The following WAC variants were observed in gnomAD, a reference collection of about 807,000 sequenced individuals.
The protein encoded by WAC is WW domain-containing adapter protein with coiled-coil.
WAC carries 11 observed loss-of-function variants against 79.6 expected under a neutral mutation model. The observed-to-expected ratio is 0.14, with a 90% confidence interval of 0.09 to 0.23. WAC has a LOEUF of 0.23. Ranked by LOEUF, WAC falls within the 10% of genes least tolerant of loss-of-function variation. The pLI, the probability that WAC is intolerant of heterozygous loss-of-function variation, is 1.00. For synonymous variants in WAC, 304 were observed against 276.9 expected, an observed-to-expected ratio of 1.10 and a Z score of -0.97; for missense variants, 728 against 773.5, an observed-to-expected ratio of 0.94 and a Z score of 0.70.
intron 7 of WAC, among the ~76,000 whole-genome samples, chr10:28,600,469 A>G (rs1041611193): frequency 1.1e-4 from 16 of 152,180 alleles, no homozygotes; most frequent in African/African-American, 3.9e-4. Context: ...TTGCTTTAAA[A>G]TAATTTTTAG....
At chr10:28,567,596 C>G (rs1423818971) in intron 3 of WAC, among the ~76,000 whole-genome samples, 1 of 152,130 alleles carries the variant, frequency 6.6e-6, no homozygotes, top group African/African-American at 2.4e-5. Context: ...TCCCTTCTGA[C>G]AATTCTCTAC....
intron 6 of WAC, 179 bp downstream of exon 6, chr10:28,591,011 C>G: frequency 5.1e-6 from 3 of 586,446 alleles, no homozygotes; most frequent in Non-Finnish European, 9.1e-6. Flanking sequence ...GGAAAAGATA[C>G]ACGGTCGAGT....
chr10:28,572,798 C>T (rs377100333), intron 3 of WAC, among the ~76,000 whole-genome samples: 110 of 152,142 alleles, frequency 7.2e-4, no homozygotes, highest in African/African-American at 2.6e-3. Context: ...GCGATGAGAG[C>T]GAAACTCAGT....
intron 5 of WAC, 130 bp downstream of exon 5, chr10:28,589,981 G>GT (rs1840004968): frequency 1.6e-6 from 1 of 638,970 alleles, no homozygotes. Context: ...AGTTGCGGTG[G>GT]TTGGTTGCCC....
At chr10:28,535,906 C>A in intron 3 of WAC, 149 bp downstream of exon 3, 1 of 706,510 alleles carries the variant, frequency 1.4e-6, no homozygotes, top group African/African-American at 1.8e-5. Flanking sequence ...TTACTCTGAA[C>A]AAGTTACTGT....
intron 7 of WAC, among the ~76,000 whole-genome samples, chr10:28,600,225 CAT>C (rs1310041764): frequency 7.7e-6 from 1 of 129,348 alleles, no homozygotes; most frequent in Non-Finnish European, 1.6e-5. Context: ...TAAATAATCA[CAT>C]ACTCACATGC....
Position 28,616,224 on chromosome 10 carries a change from T to C in WAC, c.1608T>C (p.Asn536=). ...CCAATCATACTTCTAATAGTAGTAA[T>C]GCATCAAATGCAACAGTTGTACCAC... ...PGPNHTSNSS[N]ASNATVVPQN... Residue 536 remains asparagine, a synonymous_variant, in exon 12 of 14, where the codon AAT becomes AAC. Coordinates refer to ENST00000354911, the MANE Select transcript of WAC (RefSeq NM_016628.5). The C allele has an allele frequency of 6.2e-7, 1 of 1,613,498 alleles. No individual in the cohort carries two copies. Among genetic ancestry groups the C allele is most frequent in the Non-Finnish European group, 8.5e-7 (1 of 1,179,700 alleles).
rs926817295 is a variant in WAC at position 28,533,876 on chromosome 10, T to C, written c.42-122T>C. On this transcript the variant is annotated intron_variant, in intron 1 of 13. Coordinates refer to ENST00000354911, the MANE Select transcript of WAC (RefSeq NM_016628.5). ...GGTTTGTGCCGTGTGCGTGCGGGGC[T>C]CGGCGCTGGGGCGCTCGGTAGGTCT... 312 of 1,272,884 alleles carry C rather than the reference T, an allele frequency of 2.5e-4. 2 individuals carry two copies. Among genetic ancestry groups the C allele is most frequent in the Middle Eastern group, 5.5e-4 (2 of 3,642 alleles). The allele number at this position is 1,272,884 out of a possible 1,614,324, so 78.8% of individuals were successfully genotyped here.
intron 4 of WAC, among the ~76,000 whole-genome samples, chr10:28,588,200 G>A (rs1199439066): frequency 1.3e-5 from 2 of 152,136 alleles, no homozygotes; most frequent in East Asian, 3.9e-4. Flanking sequence ...TTATGTATAG[G>A]GAGGAGTAGG....
chr10:28,547,259 G>A (rs1234802610), intron 3 of WAC, among the ~76,000 whole-genome samples: 5 of 152,150 alleles, frequency 3.3e-5, no homozygotes, highest in Non-Finnish European at 7.3e-5. Context: ...TTTTGGCCAG[G>A]TGCGGTGGCT....
At chr10:28,548,947 T>C (rs1344976860) in intron 3 of WAC, among the ~76,000 whole-genome samples, 1 of 152,032 alleles carries the variant, frequency 6.6e-6, no homozygotes, top group Non-Finnish European at 1.5e-5. Flanking sequence ...CTGAATGGAG[T>C]GCACTGGTAT....
At chr10:28,538,004 C>G (rs553036435) in intron 3 of WAC, among the ~76,000 whole-genome samples, 4 of 152,228 alleles carry the variant, frequency 2.6e-5, no homozygotes, top group South Asian at 4.1e-4. Context: ...ATTCCTGTCT[C>G]TACCATCTCT....
intron 6 of WAC, among the ~76,000 whole-genome samples, chr10:28,595,422 T>A (rs1589218796): frequency 1.1e-5 from 1 of 90,730 alleles, no homozygotes; most frequent in East Asian, 3.9e-4. Context: ...ATATGTTGAT[T>A]TTTTTTTTTT....
intron 3 of WAC, among the ~76,000 whole-genome samples, chr10:28,571,495 C>G (rs770199637): frequency 6.6e-6 from 1 of 152,186 alleles, no homozygotes; most frequent in Non-Finnish European, 1.5e-5. Context: ...CATGTACTTT[C>G]CTACTTTTAT....
intron 3 of WAC, among the ~76,000 whole-genome samples, chr10:28,543,018 GGATA>G (rs1212885711): frequency 5.9e-5 from 9 of 152,102 alleles, no homozygotes; most frequent in South Asian, 2.1e-4. Context: ...TTAACTAAAT[GGATA>G]GATAAAAAAA....
rs528659759 is a variant in WAC at position 28,556,962 on chromosome 10, T to C, written c.274+21205T>C. ...ACTTTTTTTATTATTACCATAGCTT[T>C]GTAAGATGCTTTTAAATCAAGAATT... On this transcript the variant is annotated intron_variant, in intron 3 of 13. Coordinates refer to ENST00000354911, the MANE Select transcript of WAC (RefSeq NM_016628.5). 9.8e-5 allele frequency among the ~76,000 whole-genome samples: 15 copies of C among 152,290 alleles called. No homozygotes were observed. In the East Asian group the frequency reaches 2.9e-3, roughly 29 times the overall value.
chr10:28,559,383 T>C (rs984913764), intron 3 of WAC, among the ~76,000 whole-genome samples: 6 of 151,924 alleles, frequency 3.9e-5, no homozygotes, highest in Non-Finnish European at 8.8e-5. Flanking sequence ...ATGGTGAGAG[T>C]GTTTGTTTAA....
At chr10:28,562,956 C>CCATCTGGCTAAA (rs1838379019) in intron 3 of WAC, among the ~76,000 whole-genome samples, 1 of 152,082 alleles carries the variant, frequency 6.6e-6, no homozygotes, top group African/African-American at 2.4e-5. Context: ...GTAACAATTA[C>CCATCTGGCTAAA]TAGTGTGCAG....
chr10:28,533,835 C>T (rs985636153), intron 1 of WAC, 163 bp from the exon 2 acceptor site: 4 of 1,027,716 alleles, frequency 3.9e-6, no homozygotes, highest in African/African-American at 1.7e-5. Flanking sequence ...CCTCTCCGGC[C>T]CTTCCGGAGG....
Sources: allele counts gnomAD v4.1 joint callset (sites outside exome capture counted in the v4.1 genomes callset), GRCh38; gene constraint gnomAD v4.1.1; transcripts MANE v1.5; gene names NCBI Gene and HGNC (gene_info 2026-07-23, HGNC 2026-07-21).